The following ELAVL2 variants were observed in gnomAD, a reference collection of about 807,000 sequenced individuals.
The protein encoded by ELAVL2 is ELAV like RNA binding protein 2, also known as ELAV-like protein 2.
ELAVL2 carries 4 observed loss-of-function variants against 34.6 expected under a neutral mutation model. That is an observed-to-expected ratio of 0.12 (90% CI 0.06 to 0.26). The LOEUF (loss-of-function observed/expected upper bound fraction) is 0.26, where lower values mean the gene tolerates loss of function less well. Ranked by LOEUF, ELAVL2 falls within the 10% of genes least tolerant of loss-of-function variation. The pLI, the probability that ELAVL2 is intolerant of heterozygous loss-of-function variation, is 1.00. For missense variants in ELAVL2, 432 were observed against 442.8 expected (o/e 0.98, Z 0.22); for synonymous variants, 193 against 154.8 (o/e 1.25, Z -1.83).
intron 3 of ELAVL2, among the ~76,000 whole-genome samples, chr9:23,717,931 C>CA (rs1020361970): frequency 1.3e-5 from 2 of 151,970 alleles, no homozygotes; most frequent in East Asian, 3.9e-4. Context: ...CTCAGTAAAA[C>CA]AAAAAAACAA....
intron 4 of ELAVL2, among the ~76,000 whole-genome samples, chr9:23,701,973 T>C (rs1210089770): frequency 6.6e-6 from 1 of 152,126 alleles, no homozygotes; most frequent in Non-Finnish European, 1.5e-5. Flanking sequence ...ATTTGTGCTA[T>C]TGGATAAGCA....
At chr9:23,768,633 T>C (rs1441870829) in intron 1 of ELAVL2, among the ~76,000 whole-genome samples, 1 of 152,230 alleles carries the variant, frequency 6.6e-6, no homozygotes, top group Middle Eastern at 3.4e-3. Context: ...TAAATTCCTA[T>C]TATATGGTAA....
chr9:23,811,324 T>C (rs538445622), intron 1 of ELAVL2, among the ~76,000 whole-genome samples: 48 of 145,236 alleles, frequency 3.3e-4, no homozygotes, highest in Non-Finnish European at 6.5e-4. Flanking sequence ...TTCGATCACC[T>C]TTCAAGGAAA....
intron 2 of ELAVL2, among the ~76,000 whole-genome samples, chr9:23,749,225 T>C (rs2051281340): frequency 6.6e-6 from 1 of 152,162 alleles, no homozygotes; most frequent in African/African-American, 2.4e-5. Context: ...TAAGCTTTAA[T>C]TCTGGGTGGT....
At chr9:23,776,185 G>A (rs999240856) in intron 1 of ELAVL2, among the ~76,000 whole-genome samples, 17 of 152,182 alleles carry the variant, frequency 1.1e-4, no homozygotes, top group African/African-American at 4.1e-4. Flanking sequence ...GGAAAAAGGG[G>A]AAAGTAGGCT....
At chr9:23,804,243 G>C (rs149404052) in intron 1 of ELAVL2, among the ~76,000 whole-genome samples, 2 of 150,744 alleles carry the variant, frequency 1.3e-5, no homozygotes, top group East Asian at 3.9e-4. Context: ...GCATGATCTC[G>C]GCTCACAGCA....
At chr9:23,834,765 T>A in the ELAVL2 span, among the ~76,000 whole-genome samples, 1 of 152,048 alleles carries the variant, frequency 6.6e-6, no homozygotes, top group African/African-American at 2.4e-5. Context: ...AGGCATAAAA[T>A]CATCTATCTG....
chr9:23,750,856 G>A (rs901618472), intron 2 of ELAVL2, among the ~76,000 whole-genome samples: 1 of 152,166 alleles, frequency 6.6e-6, no homozygotes, highest in African/African-American at 2.4e-5. Context: ...AACTCCTTAA[G>A]ACTGGATTTA....
chr9:23,714,724 T>C (rs2041863474), intron 3 of ELAVL2, among the ~76,000 whole-genome samples: 1 of 152,114 alleles, frequency 6.6e-6, no homozygotes, highest in Non-Finnish European at 1.5e-5. Context: ...GAGATGAAGG[T>C]TATGGGTATG....
chr9:23,776,906 C>A (rs2058292773), intron 1 of ELAVL2, among the ~76,000 whole-genome samples: 1 of 152,106 alleles, frequency 6.6e-6, no homozygotes, highest in Non-Finnish European at 1.5e-5. Flanking sequence ...AGCATTGATA[C>A]TGAACATTAA....
the ELAVL2 span, among the ~76,000 whole-genome samples, chr9:23,835,438 AT>A: frequency 6.6e-6 from 1 of 151,964 alleles, no homozygotes; most frequent in East Asian, 1.9e-4. Flanking sequence ...CTCCACTTAT[AT>A]TTTTATAGGC....
intron 1 of ELAVL2, among the ~76,000 whole-genome samples, chr9:23,818,050 T>G (rs2063964642): frequency 6.6e-6 from 1 of 152,106 alleles, no homozygotes; most frequent in African/African-American, 2.4e-5. Flanking sequence ...CTTCCCAAAT[T>G]AGAACATACA....
At chr9:23,791,494 G>T (rs757927557) in intron 1 of ELAVL2, among the ~76,000 whole-genome samples, 82 of 152,226 alleles carry the variant, frequency 5.4e-4, no homozygotes, top group Non-Finnish European at 8.5e-4. Flanking sequence ...AGTTTCAGTA[G>T]AAACGGTACT....
intron 1 of ELAVL2, chr9:23,783,449 TACAAAGTGGCCATGC>T: frequency 1.0e-6 from 1 of 985,346 alleles, no homozygotes; most frequent in Non-Finnish European, 1.2e-6. Context: ...TCTGCACAAC[TACAAAGTGGCCATGC>T]ACTAACCTGA....
intron 3 of ELAVL2, among the ~76,000 whole-genome samples, chr9:23,709,532 A>C (rs780387616): frequency 6.6e-6 from 1 of 152,136 alleles, no homozygotes; most frequent in Non-Finnish European, 1.5e-5. Context: ...TATTTTCAGA[A>C]AGTGTTAAGT....
chr9:23,728,427 CAAGTA>C (rs1452229425), intron 3 of ELAVL2, among the ~76,000 whole-genome samples: 8 of 152,056 alleles, frequency 5.3e-5, no homozygotes, highest in Non-Finnish European at 1.2e-4. Context: ...GATCAGCTTA[CAAGTA>C]AAGAGCCAGT....
At chr9:23,693,018 T>C (rs1197714122) in intron 6 of ELAVL2, 134 bp from the exon 7 acceptor site, 4 of 817,536 alleles carry the variant, frequency 4.9e-6, no homozygotes, top group Non-Finnish European at 7.5e-6. Flanking sequence ...ATATAAACTA[T>C]TTCATGTTTT....
In ELAVL2 at chr9:23,767,695, C is replaced by T. The variant is rs1195334055; in HGVS notation, c.-15-5446G>A. On this transcript the variant is annotated intron_variant, in intron 1 of 6. Coordinates refer to ENST00000397312, the MANE Select transcript of ELAVL2 (RefSeq NM_004432.5). ...CGCTGAGGCAGGAGAATGGCTTGAACCCAGGAGGGGGAGGTTGCAGTCAGC... is the reference window on the plus strand; with the variant it reads ...CGCTGAGGCAGGAGAATGGCTTGAATCCAGGAGGGGGAGGTTGCAGTCAGC... 3.3e-5 allele frequency among the ~76,000 whole-genome samples: 5 copies of T among 152,156 alleles called. No individual in the cohort carries two copies. In the East Asian group the frequency reaches 9.7e-4, roughly 29 times the overall value.
At chr9:23,803,698 G>A (rs1265511529) in intron 1 of ELAVL2, among the ~76,000 whole-genome samples, 1 of 152,054 alleles carries the variant, frequency 6.6e-6, no homozygotes, top group East Asian at 1.9e-4. Flanking sequence ...TTCCTTACAT[G>A]CTAGGAGTAC....
Sources: allele counts gnomAD v4.1 joint callset (sites outside exome capture counted in the v4.1 genomes callset), GRCh38; gene constraint gnomAD v4.1.1; transcripts MANE v1.5; gene names NCBI Gene and HGNC (gene_info 2026-07-23, HGNC 2026-07-21).